Variants in TEX11 observed in about 807,000 individuals in gnomAD.
The protein encoded by TEX11 is testis-expressed protein 11.
In TEX11, 7 loss-of-function variants were observed where a neutral mutation model predicts 84.4. The observed-to-expected ratio is 0.08, with a 90% CI of 0.05 to 0.16. The LOEUF is 0.16. Among genes scored for constraint, TEX11 ranks in the 10% least tolerant of loss-of-function variants. The probability of loss-of-function intolerance (pLI) is 1.00; values close to 1 mark genes in which losing one functional copy is unlikely to be tolerated. For synonymous variants in TEX11, 264 were observed against 222.8 expected (o/e 1.18, Z -1.64); for missense variants, 551 against 660.5 (o/e 0.83, Z 1.82).
intron 4 of TEX11, among the ~76,000 whole-genome samples, chrX:70,864,998 A>G (rs1293078013): frequency 1.8e-5 from 2 of 111,191 alleles, no homozygotes; most frequent in South Asian, 7.7e-4. Flanking sequence ...TTAACGAGCA[A>G]AATAACCAGC....
intron 7 of TEX11, among the ~76,000 whole-genome samples, chrX:70,840,707 C>A (rs1416530802): frequency 3.6e-5 from 4 of 111,073 alleles, no homozygotes; most frequent in Non-Finnish European, 7.6e-5. Flanking sequence ...GAGTCAAGAC[C>A]CATCAGTGTG....
In TEX11 at chrX:70,667,610, T is replaced by C. The variant is rs138554446; in HGVS notation, c.1380+2767A>G. The stretch of plus-strand genomic sequence containing the variant: ...GGAAGGTTTTTGGATAAAGAAGACT[T>C]CAAGGTAATTATAGTGACAGGAGAA... On this transcript the variant is annotated intron_variant, in intron 16 of 29. Transcript: ENST00000374333. 3.0e-3 allele frequency among the ~76,000 whole-genome samples: 334 copies of C among 111,978 alleles called. 1 individual carries two copies. Among genetic ancestry groups the C allele is most frequent in the African/African-American group, 0.01 (310 of 30,831 alleles).
intron 8 of TEX11, among the ~76,000 whole-genome samples, chrX:70,828,751 C>T (rs2091360246): frequency 1.8e-5 from 2 of 111,013 alleles, no homozygotes; most frequent in African/African-American, 6.6e-5. Context: ...GGTTATAGAA[C>T]ACTAAGCAGA....
At chrX:70,646,848 T>C (rs939347669) in intron 17 of TEX11, among the ~76,000 whole-genome samples, 14 of 111,854 alleles carry the variant, frequency 1.3e-4, no homozygotes, top group African/African-American at 4.5e-4. Context: ...AAAGTAGAAC[T>C]ACCATATGAT....
intron 7 of TEX11, among the ~76,000 whole-genome samples, chrX:70,839,720 G>C (rs1159757958): frequency 9.0e-6 from 1 of 110,992 alleles, no homozygotes; most frequent in Non-Finnish European, 1.9e-5. Context: ...CGAACCAATA[G>C]CAAAGAAGTT....
chrX:70,823,143 A>G (rs140593168), intron 8 of TEX11, among the ~76,000 whole-genome samples: 2,423 of 111,596 alleles, frequency 0.022, 30 homozygotes, highest in Non-Finnish European at 0.029. Flanking sequence ...GAAATAAGCC[A>G]GGCACAGAAA....
At chrX:70,707,593 C>T (rs758636159) in intron 13 of TEX11, among the ~76,000 whole-genome samples, 1 of 111,216 alleles carries the variant, frequency 9.0e-6, no homozygotes, top group Non-Finnish European at 1.9e-5. Context: ...CTATACCATA[C>T]ATTTCTCATA....
At chrX:70,550,954 T>C (rs1207573774) in intron 28 of TEX11, among the ~76,000 whole-genome samples, 1 of 111,977 alleles carries the variant, frequency 8.9e-6, no homozygotes. Context: ...TGCACTCCTA[T>C]GTTTGTTGCA....
intron 25 of TEX11, among the ~76,000 whole-genome samples, chrX:70,566,006 T>C (rs2147961843): frequency 9.1e-6 from 1 of 110,083 alleles, no homozygotes; most frequent in South Asian, 3.9e-4. Flanking sequence ...GTATGGCCAT[T>C]TTCACGATAT....
intron 17 of TEX11, among the ~76,000 whole-genome samples, chrX:70,644,965 G>A (rs1030340062): frequency 8.2e-5 from 9 of 109,749 alleles, no homozygotes; most frequent in Non-Finnish European, 1.5e-4. Flanking sequence ...AAAAGAAAGA[G>A]AAGACAGTAC....
intron 9 of TEX11, among the ~76,000 whole-genome samples, chrX:70,761,329 C>T (rs768694744): frequency 8.9e-6 from 1 of 111,789 alleles, no homozygotes; most frequent in Admixed American, 9.5e-5. Context: ...ATTGTGGCAC[C>T]ATTTACAATA....
chrX:70,713,005 T>G (rs1475255683), intron 13 of TEX11, among the ~76,000 whole-genome samples: 13 of 111,846 alleles, frequency 1.2e-4, no homozygotes, highest in African/African-American at 4.2e-4. Context: ...CATGAAGAGT[T>G]GTTGAATTTT....
At chrX:70,864,906 T>C (rs780551114) in intron 4 of TEX11, among the ~76,000 whole-genome samples, 78 of 109,902 alleles carry the variant, frequency 7.1e-4, no homozygotes, top group South Asian at 2.7e-3. Context: ...GCACTAAATA[T>C]GGAAAGAAAA....
At chrX:70,684,655 G>A (rs1237594851) in intron 13 of TEX11, among the ~76,000 whole-genome samples, 1 of 111,555 alleles carries the variant, frequency 9.0e-6, no homozygotes, top group Non-Finnish European at 1.9e-5. Flanking sequence ...TGAAATTGAA[G>A]AAAACAAAAA....
chrX:70,840,818 G>A (rs1218050631), intron 7 of TEX11, among the ~76,000 whole-genome samples: 1 of 111,358 alleles, frequency 9.0e-6, no homozygotes, highest in Non-Finnish European at 1.9e-5. Flanking sequence ...AACAAAGGCA[G>A]GGGTTGCAAT....
chrX:70,648,041 A>G (rs760281469), intron 17 of TEX11, among the ~76,000 whole-genome samples: 1 of 112,407 alleles, frequency 8.9e-6, no homozygotes, highest in South Asian at 3.7e-4. Context: ...AGACTGGATT[A>G]AGAAAATGTG....
chrX:70,741,219 T>C (rs1195126725), intron 10 of TEX11, among the ~76,000 whole-genome samples: 1 of 111,473 alleles, frequency 9.0e-6, no homozygotes, highest in Non-Finnish European at 1.9e-5. Context: ...AAATATGGCA[T>C]TTCTGAGAAA....
At chrX:70,755,996 C>G (rs1038515331) in intron 9 of TEX11, among the ~76,000 whole-genome samples, 1 of 112,480 alleles carries the variant, frequency 8.9e-6, no homozygotes, top group Admixed American at 9.3e-5. Context: ...TCACTGCTAG[C>G]GCAGCATCTA....
chrX:70,540,669 A>T (rs1422318203), intron 28 of TEX11, among the ~76,000 whole-genome samples: 1 of 111,084 alleles, frequency 9.0e-6, no homozygotes, highest in East Asian at 2.8e-4. Context: ...TTCTCATGTA[A>T]AACTGAGTGA....
Sources: allele counts gnomAD v4.1 joint callset (sites outside exome capture counted in the v4.1 genomes callset), GRCh38; gene constraint gnomAD v4.1.1; transcripts MANE v1.5; gene names NCBI Gene and HGNC (gene_info 2026-07-23, HGNC 2026-07-21).